The following PDE8B variants were observed in gnomAD, a reference collection of about 807,000 sequenced individuals.
The protein encoded by PDE8B is high affinity cAMP-specific and IBMX-insensitive 3',5'-cyclic phosphodiesterase 8B.
Under a neutral mutation model 101.3 loss-of-function variants are expected in PDE8B, and 26 were observed. That is an observed-to-expected ratio of 0.26 (90% CI 0.19 to 0.36). The LOEUF is 0.36. PDE8B is among the 10% of genes least tolerant of loss of function. The pLI is 1.00. For synonymous variants in PDE8B, 424 were observed against 429.3 expected, an observed-to-expected ratio of 0.99 and a Z score of 0.15; for missense variants, 810 against 1,163.1, an observed-to-expected ratio of 0.70 and a Z score of 4.42.
chr5:77,304,402 A>G (rs562390857), intron 1 of PDE8B, among the ~76,000 whole-genome samples: 5 of 152,224 alleles, frequency 3.3e-5, no homozygotes, highest in African/African-American at 1.2e-4. Context: ...GTTTAAAAAA[A>G]TTTTGTTTTA....
chr5:77,399,397 C>T (rs981234271), intron 10 of PDE8B, among the ~76,000 whole-genome samples: 3 of 152,224 alleles, frequency 2.0e-5, no homozygotes, highest in African/African-American at 4.8e-5. Flanking sequence ...ATTAATCTGC[C>T]TCTGCAGATG....
chr5:77,227,980 G>A (rs1208310260), intron 1 of PDE8B, among the ~76,000 whole-genome samples: 2 of 152,180 alleles, frequency 1.3e-5, no homozygotes, highest in African/African-American at 4.8e-5. Context: ...TAGTTGCTCT[G>A]GGTCAGGAGT....
At chr5:77,242,707 T>C (rs1756014026) in intron 1 of PDE8B, among the ~76,000 whole-genome samples, 1 of 152,222 alleles carries the variant, frequency 6.6e-6, no homozygotes. Context: ...AGTCTCCCTC[T>C]GTCGCCCAGG....
intron 2 of PDE8B, among the ~76,000 whole-genome samples, chr5:77,322,291 A>G (rs897443966): frequency 3.3e-5 from 5 of 152,182 alleles, no homozygotes; most frequent in African/African-American, 1.2e-4. Flanking sequence ...ATCTCTAGGA[A>G]TTAGCAACCC....
chr5:77,135,029 G>A, the PDE8B span, among the ~76,000 whole-genome samples: 1 of 152,118 alleles, frequency 6.6e-6, no homozygotes, highest in East Asian at 1.9e-4. Context: ...ACTTCCCTTC[G>A]ACTGCTCCCA....
At chr5:77,313,837 T>C (rs1773213223) in intron 2 of PDE8B, among the ~76,000 whole-genome samples, 1 of 152,162 alleles carries the variant, frequency 6.6e-6, no homozygotes, top group Admixed American at 6.5e-5. Context: ...CTATGATACA[T>C]ATTTGTATAC....
chr5:77,354,349 TA>T (rs1331037762), intron 10 of PDE8B, among the ~76,000 whole-genome samples: 2 of 152,198 alleles, frequency 1.3e-5, no homozygotes, highest in Non-Finnish European at 2.9e-5. Flanking sequence ...TAGTTGGAGA[TA>T]AAGTCCTTCC....
intron 17 of PDE8B, 114 bp downstream of exon 17, chr5:77,413,423 T>TA: frequency 1.7e-5 from 16 of 923,236 alleles, no homozygotes; most frequent in Non-Finnish European, 2.3e-5. Context: ...ACAGCTTTTT[T>TA]AAAAAAAAAT....
intron 1 of PDE8B, among the ~76,000 whole-genome samples, chr5:77,259,212 C>G (rs181045297): frequency 4.6e-5 from 7 of 152,088 alleles, no homozygotes; most frequent in Non-Finnish European, 1.5e-5. Flanking sequence ...CTAAAATCCC[C>G]TCACTCCGGT....
chr5:77,162,702 T>C, the PDE8B span, among the ~76,000 whole-genome samples: 1 of 152,304 alleles, frequency 6.6e-6, no homozygotes, highest in Non-Finnish European at 1.5e-5. Context: ...GTTAACTTAG[T>C]GAGAGAATGC....
At chr5:77,134,180 G>A in the PDE8B span, 1 of 152,220 alleles carries the variant, frequency 6.6e-6, no homozygotes, top group African/African-American at 2.4e-5. Flanking sequence ...GCATTGGAAT[G>A]GTTACTAAAG....
chr5:77,108,642 C>A, the PDE8B span, among the ~76,000 whole-genome samples: 36 of 152,284 alleles, frequency 2.4e-4, no homozygotes, highest in Non-Finnish European at 4.1e-4. Flanking sequence ...GAGATTGCGC[C>A]ACTGCATTTC....
chr5:77,397,165 G>T (rs1474163242), intron 10 of PDE8B, among the ~76,000 whole-genome samples: 1 of 151,144 alleles, frequency 6.6e-6, no homozygotes, highest in Non-Finnish European at 1.5e-5. Flanking sequence ...GAGTAGCGGG[G>T]ACTACAGGTG....
chr5:77,106,065 A>T, the PDE8B span: 1 of 152,228 alleles, frequency 6.6e-6, no homozygotes, highest in Non-Finnish European at 1.5e-5. Flanking sequence ...TATTCAACGT[A>T]CAAGTCCTTT....
At chr5:77,422,123 ACCCC>A in intron 20 of PDE8B, 135 bp downstream of exon 20, 2 of 954,324 alleles carry the variant, frequency 2.1e-6, no homozygotes, top group South Asian at 2.8e-5. Context: ...AAAGCAGCTT[ACCCC>A]CACCTGGGGT....
At chr5:77,329,832 C>A (rs1776775263) in intron 4 of PDE8B, among the ~76,000 whole-genome samples, 1 of 152,216 alleles carries the variant, frequency 6.6e-6, no homozygotes. Flanking sequence ...GCATTTGGCA[C>A]AAATTCTGCG....
At chr5:77,307,379 G>T (rs1771473312) in intron 1 of PDE8B, among the ~76,000 whole-genome samples, 1 of 152,132 alleles carries the variant, frequency 6.6e-6, no homozygotes, top group Non-Finnish European at 1.5e-5. Flanking sequence ...AAGTGGGAGA[G>T]AAAATGTCTC....
At chr5:77,180,369 C>T in the PDE8B span, 1 of 862,194 alleles carries the variant, frequency 1.2e-6, no homozygotes, top group Non-Finnish European at 1.4e-6. Context: ...GTGCAGGGTG[C>T]GCCAGGCCGG....
intron 11 of PDE8B, among the ~76,000 whole-genome samples, chr5:77,404,517 A>G (rs866447808): frequency 9.2e-5 from 14 of 152,370 alleles, no homozygotes; most frequent in Admixed American, 1.3e-4. Flanking sequence ...ATTATCTTAA[A>G]AAACCATCAT....
Sources: allele counts gnomAD v4.1 joint callset (sites outside exome capture counted in the v4.1 genomes callset), GRCh38; gene constraint gnomAD v4.1.1; transcripts MANE v1.5; gene names NCBI Gene and HGNC (gene_info 2026-07-23, HGNC 2026-07-21).